GCC2: variants seen among roughly 807,000 people sequenced by gnomAD.
GCC2 encodes GRIP and coiled-coil domain containing 2.
GCC2 carries 120 observed loss-of-function variants against 210.6 expected under a neutral mutation model. The ratio of observed to expected loss-of-function variants is 0.57; its 90% confidence interval spans 0.49 to 0.66. The LOEUF (loss-of-function observed/expected upper bound fraction) is 0.66, where lower values mean the gene tolerates loss of function less well. Ranked by LOEUF, GCC2 falls within the 30% of genes least tolerant of loss-of-function variation. The pLI, the probability that GCC2 is intolerant of heterozygous loss-of-function variation, is 0.00. For missense variants in GCC2, 1,868 were observed against 1,871.9 expected, an observed-to-expected ratio of 1.00 and a Z score of 0.04; for synonymous variants, 703 against 652.7, an observed-to-expected ratio of 1.08 and a Z score of -1.17.
At chr2:108,468,164 C>A (rs889327117) in intron 4 of GCC2, among the ~76,000 whole-genome samples, 3 of 151,800 alleles carry the variant, frequency 2.0e-5, no homozygotes, top group Admixed American at 6.6e-5. Context: ...TGGGTTCAAG[C>A]AATTCTCCTG....
At chr2:108,483,445 G>C (rs1681976597) in intron 12 of GCC2, among the ~76,000 whole-genome samples, 1 of 151,912 alleles carries the variant, frequency 6.6e-6, no homozygotes, top group African/African-American at 2.4e-5. Context: ...GGCTCGTCTG[G>C]AACTCCTGAC....
At chr2:108,485,602 C>A (rs767727107) in intron 13 of GCC2, 34 bp from the exon 14 acceptor site, 6 of 1,107,420 alleles carry the variant, frequency 5.4e-6, no homozygotes, top group Non-Finnish European at 7.8e-6. Context: ...AAAATTGTTA[C>A]ATCTTTTTCT....
chr2:108,468,435 A>G (rs1432811719), intron 4 of GCC2, among the ~76,000 whole-genome samples: 1 of 152,126 alleles, frequency 6.6e-6, no homozygotes, highest in Non-Finnish European at 1.5e-5. Context: ...GTTTTATTAA[A>G]AGGTGTCTAT....
At chr2:108,480,173 C>T (rs1681775763) in intron 9 of GCC2, among the ~76,000 whole-genome samples, 1 of 151,996 alleles carries the variant, frequency 6.6e-6, no homozygotes, top group Non-Finnish European at 1.5e-5. Flanking sequence ...TGCAAGAAAA[C>T]ATAAACAGTG....
At chr2:108,472,159 TTC>T in intron 6 of GCC2, 43 bp downstream of exon 6, 1 of 1,316,076 alleles carries the variant, frequency 7.6e-7, no homozygotes, top group Non-Finnish European at 1.0e-6. Flanking sequence ...AAATTCTTAG[TTC>T]AACTCTACAA....
At chr2:108,460,200 A>G (rs970023299) in intron 4 of GCC2, among the ~76,000 whole-genome samples, 18 of 151,870 alleles carry the variant, frequency 1.2e-4, no homozygotes, top group Middle Eastern at 3.2e-3. Context: ...TTTGGTTTCT[A>G]TTTGCATGGA....
chr2:108,490,076 C>T, intron 18 of GCC2, 62 bp downstream of exon 18: 1 of 1,134,694 alleles, frequency 8.8e-7, no homozygotes, highest in Non-Finnish European at 1.2e-6. Flanking sequence ...GTTGAAACTT[C>T]TAATATGTTG....
chr2:108,459,673 CAT>C (rs1023078251), intron 4 of GCC2, among the ~76,000 whole-genome samples: 10 of 130,886 alleles, frequency 7.6e-5, no homozygotes, highest in African/African-American at 2.5e-4. Flanking sequence ...GTGTCAGGTT[CAT>C]ATATGTTTAG....
chr2:108,491,779 T>TA (rs1401239492), intron 18 of GCC2, among the ~76,000 whole-genome samples: 3 of 150,492 alleles, frequency 2.0e-5, no homozygotes, highest in African/African-American at 7.3e-5. Flanking sequence ...ATTTATTTAT[T>TA]TATTTATTTT....
Position 108,471,097 on chromosome 2 carries a change from A to C in GCC2, c.1768A>C (p.Asn590His), listed in dbSNP as rs770183232. 1.3e-4 allele frequency: 209 copies of C among 1,585,258 alleles called. No individual in the cohort carries two copies. Among genetic ancestry groups the C allele is most frequent in the Non-Finnish European group, 1.7e-4 (198 of 1,157,692 alleles). Residue 590 changes from asparagine (N) to histidine (H), a missense_variant, in exon 6 of 23, where the codon AAT (asparagine) becomes CAT (histidine). Coordinates refer to ENST00000309863, the MANE Select transcript of GCC2 (RefSeq NM_181453.4). ...TMLKELEGKI[N>H]SLTEEKDDFI... ...GTTAAAAGAATTAGAAGGAAAGATA[A>C]ATTCTCTTACTGAGGAAAAAGATGA...
chr2:108,504,481 A>G (rs1422427744), intron 22 of GCC2, among the ~76,000 whole-genome samples: 2 of 152,180 alleles, frequency 1.3e-5, no homozygotes, highest in Non-Finnish European at 2.9e-5. Flanking sequence ...ACTCTGCGTT[A>G]TAAGGTAAAG....
intron 17 of GCC2, 32 bp downstream of exon 17, chr2:108,487,852 CT>C: frequency 6.3e-7 from 1 of 1,598,284 alleles, no homozygotes; most frequent in South Asian, 1.1e-5. Flanking sequence ...CAGAGTTTTC[CT>C]CCCACAATGC....
chr2:108,464,244 T>C (rs527322011), intron 4 of GCC2, among the ~76,000 whole-genome samples: 24 of 152,220 alleles, frequency 1.6e-4, no homozygotes, highest in Admixed American at 5.9e-4. Flanking sequence ...CAGCGGTCTT[T>C]AGCCACAGCA....
chr2:108,487,281 G>A (rs139408978), intron 16 of GCC2, among the ~76,000 whole-genome samples: 1,582 of 152,302 alleles, frequency 0.01, 15 homozygotes, highest in Non-Finnish European at 0.018. Flanking sequence ...TGTATGGTTA[G>A]TAAATTAATC....
In GCC2 at chr2:108,469,702, A is replaced by G. The variant is rs1159766911; in HGVS notation, c.373A>G (p.Ile125Val). ...DAHKELEQSH[I>V]NYVKEIENLK... Reference sequence around the variant, plus strand: ...ACATAAGGAGTTGGAACAATCACATATAAACTATGTGAAAGAAATTGAAAA... The same window carrying G: ...ACATAAGGAGTTGGAACAATCACATGTAAACTATGTGAAAGAAATTGAAAA... Residue 125 changes from isoleucine (I) to valine (V), a missense_variant, in exon 6 of 23, where the codon ATA (isoleucine) becomes GTA (valine). Physicochemically the swap from Ile to Val is conservative, Grantham distance 29 (BLOSUM62 3). This residue lies in a region of GCC2 where 1,847 missense variants were observed against 1,765.2 expected (regional missense o/e 1.05). Transcript: ENST00000309863. 6.2e-7 allele frequency: 1 copy of G among 1,612,330 alleles called. No individual in the cohort carries two copies. Among genetic ancestry groups the G allele is most frequent in the Middle Eastern group, 1.7e-4 (1 of 6,054 alleles).
intron 18 of GCC2, among the ~76,000 whole-genome samples, chr2:108,490,635 T>C (rs575908030): frequency 1.9e-4 from 29 of 152,302 alleles, no homozygotes; most frequent in African/African-American, 7.0e-4. Flanking sequence ...AATCTTATGC[T>C]AATCTGAAAA....
At chr2:108,498,381 A>G (rs564917420) in intron 21 of GCC2, among the ~76,000 whole-genome samples, 3 of 151,122 alleles carry the variant, frequency 2.0e-5, no homozygotes, top group Admixed American at 1.3e-4. Context: ...ATTTTACTAG[A>G]GGCATGGTTT....
intron 17 of GCC2, among the ~76,000 whole-genome samples, chr2:108,488,751 AAGC>A (rs1229977360): frequency 5.9e-5 from 9 of 152,164 alleles, no homozygotes; most frequent in African/African-American, 2.2e-4. Flanking sequence ...TCAGTATTCA[AAGC>A]AGTTTTACAT....
At chr2:108,487,872 C>T in intron 17 of GCC2, 52 bp downstream of exon 17, 1 of 1,370,332 alleles carries the variant, frequency 7.3e-7, no homozygotes, top group Non-Finnish European at 1.0e-6. Flanking sequence ...GCAGGTTCTT[C>T]ACCAAGTAGA....
Sources: allele counts gnomAD v4.1 joint callset (sites outside exome capture counted in the v4.1 genomes callset), GRCh38; gene constraint gnomAD v4.1.1; regional missense constraint gnomAD v4.1.1; transcripts MANE v1.5; gene names NCBI Gene and HGNC (gene_info 2026-07-23, HGNC 2026-07-21).